XRRA1: variants seen among roughly 807,000 people sequenced by gnomAD.
The protein encoded by XRRA1 is X-ray radiation resistance associated 1, also known as X-ray radiation resistance-associated protein 1.
Under a neutral mutation model 80.2 loss-of-function variants are expected in XRRA1, and 69 were observed. The ratio of observed to expected loss-of-function variants is 0.86; its 90% CI spans 0.71 to 1.05. The LOEUF (loss-of-function observed/expected upper bound fraction) is 1.05. Ranked by LOEUF, XRRA1 falls within the 50% of genes least tolerant of loss-of-function variation. XRRA1 has a pLI of 0.00. For missense variants in XRRA1, 967 were observed against 976.4 expected (o/e 0.99, Z 0.13); for synonymous variants, 348 against 389.9 (o/e 0.89, Z 1.27).
chr11:74,866,654 T>TAAAAAAAAA (rs57326749), intron 10 of XRRA1, among the ~76,000 whole-genome samples: 1 of 135,376 alleles, frequency 7.4e-6, no homozygotes, highest in Non-Finnish European at 1.6e-5. Flanking sequence ...TTGAAATAAT[T>TAAAAAAAAA]AAAAAAAAAA....
chr11:74,923,552 A>C (rs1941462003), intron 7 of XRRA1, among the ~76,000 whole-genome samples: 1 of 152,114 alleles, frequency 6.6e-6, no homozygotes, highest in South Asian at 2.1e-4. Context: ...TGTTCTCTCT[A>C]ATCTATTTTT....
intron 11 of XRRA1, among the ~76,000 whole-genome samples, chr11:74,861,417 T>C (rs576492054): frequency 6.6e-6 from 1 of 152,266 alleles, no homozygotes; most frequent in African/African-American, 2.4e-5. Flanking sequence ...ACAAACCCTG[T>C]TGTGAACTGG....
At chr11:74,921,898 G>A (rs1940916089) in intron 7 of XRRA1, among the ~76,000 whole-genome samples, 2 of 152,308 alleles carry the variant, frequency 1.3e-5, no homozygotes, top group South Asian at 4.1e-4. Context: ...CAAGTGCCAT[G>A]CCACTGTAAC....
At chr11:74,851,925 A>T (rs1292683062) in intron 13 of XRRA1, 64 bp downstream of exon 13, 3 of 1,382,462 alleles carry the variant, frequency 2.2e-6, no homozygotes, top group Non-Finnish European at 3.1e-6. Context: ...TGAGGTGGGG[A>T]TGAGGGTGCC....
At chr11:74,912,103 T>A (rs2056060788) in intron 8 of XRRA1, among the ~76,000 whole-genome samples, 2 of 152,166 alleles carry the variant, frequency 1.3e-5, no homozygotes, top group Admixed American at 1.3e-4. Flanking sequence ...ATCTGTATCA[T>A]CAGAGTGATT....
intron 7 of XRRA1, among the ~76,000 whole-genome samples, chr11:74,921,744 C>T (rs780259855): frequency 7.2e-5 from 11 of 152,164 alleles, no homozygotes; most frequent in Non-Finnish European, 1.3e-4. Context: ...CTCTACCTCC[C>T]CTAACTTTGA....
intron 8 of XRRA1, 103 bp downstream of exon 8, chr11:74,921,111 A>G: frequency 6.9e-7 from 1 of 1,456,152 alleles, no homozygotes. Context: ...CCCTGCTTTG[A>G]GCACTTACAG....
Position 74,949,084 on chromosome 11 carries a change from C to T in XRRA1, c.-229G>A, listed in dbSNP as rs1591726371. ...CGCCTTAGTAACTGCGACGCGACGG[C>T]AGACAGTGTAGGCGGCAACCGACGG... On this transcript the variant is annotated 5_prime_UTR_variant, in exon 1 of 19. Transcript: ENST00000684022. The T allele has an allele frequency of 2.0e-6, 1 of 493,820 alleles. No homozygotes were observed. The highest frequency in any genetic ancestry group is 3.6e-6 in the Non-Finnish European group (1 of 278,454). The allele number at this position is 493,820 out of a possible 1,614,324, so 30.6% of individuals were successfully genotyped here.
intron 7 of XRRA1, 52 bp from the exon 8 acceptor site, chr11:74,921,399 A>G: frequency 6.2e-7 from 1 of 1,605,016 alleles, no homozygotes; most frequent in Non-Finnish European, 8.5e-7. Context: ...TGTGACAACA[A>G]TGCTCATATA....
chr11:74,921,108 T>C lies in XRRA1; in HGVS notation c.656+106A>G, dbSNP rs1940622905. The C allele has an allele frequency of 3.5e-6, 5 of 1,448,038 alleles. No homozygotes were observed. The African/African-American group carries it at 7.0e-5, about 20-fold the overall frequency. 89.7% of individuals were successfully genotyped at this position (1,448,038 alleles called of 1,614,324 possible). ...TTCAGTAGGTGCCATTATCCCTGCT[T>C]TGAGCACTTACAGCCTATCTTTATG... On this transcript the variant is annotated intron_variant, in intron 8 of 18. Transcript: ENST00000684022.
At chr11:74,862,875 GT>G in intron 11 of XRRA1, 105 bp downstream of exon 11, 1 of 1,024,438 alleles carries the variant, frequency 9.8e-7, no homozygotes, top group Non-Finnish European at 1.4e-6. Flanking sequence ...CTTCCTCAGT[GT>G]GATCTATAGA....
intron 8 of XRRA1, among the ~76,000 whole-genome samples, chr11:74,916,554 T>C (rs1455397730): frequency 1.3e-5 from 2 of 152,220 alleles, no homozygotes; most frequent in African/African-American, 4.8e-5. Context: ...TTTGTTAATA[T>C]ATCATTTTCT....
intron 8 of XRRA1, among the ~76,000 whole-genome samples, chr11:74,918,431 C>T (rs190354991): frequency 2.7e-3 from 412 of 152,188 alleles, no homozygotes; most frequent in African/African-American, 9.6e-3. Context: ...TAATATCATC[C>T]AGCAATGGCT....
chr11:74,894,578 A>G (rs1161992941), intron 10 of XRRA1, among the ~76,000 whole-genome samples: 1 of 152,184 alleles, frequency 6.6e-6, no homozygotes, highest in Non-Finnish European at 1.5e-5. Context: ...GAATGAATGA[A>G]GAAGAAACTT....
At chr11:74,926,625 G>C (rs1451140695) in intron 7 of XRRA1, among the ~76,000 whole-genome samples, 1 of 152,144 alleles carries the variant, frequency 6.6e-6, no homozygotes, top group East Asian at 1.9e-4. Flanking sequence ...CTCAGGTAGT[G>C]ACAAAAGCTT....
chr11:74,929,839 ATC>A (rs1943096347), intron 6 of XRRA1, among the ~76,000 whole-genome samples: 1 of 152,268 alleles, frequency 6.6e-6, no homozygotes, highest in African/African-American at 2.4e-5. Context: ...ATCTGAGTCC[ATC>A]TCTCTCACCA....
chr11:74,919,574 G>A (rs913548196), intron 8 of XRRA1: 11 of 472,364 alleles, frequency 2.3e-5, no homozygotes, highest in East Asian at 5.5e-5. Flanking sequence ...GAATGAAGCC[G>A]GGACCCGGCA....
At chr11:74,849,426 C>CT (rs1408548280) in intron 14 of XRRA1, among the ~76,000 whole-genome samples, 6 of 152,152 alleles carry the variant, frequency 3.9e-5, no homozygotes, top group African/African-American at 1.4e-4. Flanking sequence ...AATGTATTTC[C>CT]TTTTGGAAAA....
chr11:74,931,859 T>C (rs1306854000), intron 5 of XRRA1: 2 of 152,228 alleles, frequency 1.3e-5, no homozygotes, highest in East Asian at 1.9e-4. Flanking sequence ...GTTAAAACAA[T>C]TTACAGTCCT....
Sources: gnomAD v4.1 joint callset for allele counts (sites outside exome capture counted in the v4.1 genomes callset) on GRCh38, gnomAD v4.1.1 for gene constraint, MANE v1.5 for transcripts, NCBI Gene and HGNC (gene_info 2026-07-23, HGNC 2026-07-21) for gene names.